Variants in SLIT3 observed in about 807,000 individuals in gnomAD.
The protein encoded by SLIT3 is slit guidance ligand 3, also known as slit homolog 3 protein.
SLIT3 carries 68 observed loss-of-function variants against 184.0 expected under a neutral mutation model. The observed-to-expected ratio is 0.37, with a 90% CI of 0.30 to 0.45. The LOEUF is 0.45. Among genes scored for constraint, SLIT3 ranks in the 20% least tolerant of loss-of-function variants. The pLI, the probability that SLIT3 is intolerant of heterozygous loss-of-function variation, is 1.00. For missense variants in SLIT3, 1,707 were observed against 2,026.0 expected (o/e 0.84, Z 3.02); for synonymous variants, 831 against 828.6 (o/e 1.00, Z -0.05).
chr5:169,050,180 G>A (rs964615632), intron 4 of SLIT3, among the ~76,000 whole-genome samples: 1 of 152,198 alleles, frequency 6.6e-6, no homozygotes. Flanking sequence ...GTCTCTTACT[G>A]TTCTTCCTAC....
intron 4 of SLIT3, among the ~76,000 whole-genome samples, chr5:169,047,149 C>T (rs1276068167): frequency 6.6e-6 from 1 of 152,130 alleles, no homozygotes; most frequent in African/African-American, 2.4e-5. Context: ...CAGACGCCCC[C>T]AACTCAACGG....
intron 4 of SLIT3, among the ~76,000 whole-genome samples, chr5:169,102,367 C>G (rs373218446): frequency 2.4e-4 from 36 of 152,070 alleles, no homozygotes; most frequent in African/African-American, 8.5e-4. Flanking sequence ...CCCTCAGTAC[C>G]TGTGGGGGAT....
intron 4 of SLIT3, chr5:169,030,437 G>A (rs1465413472): frequency 3.3e-5 from 5 of 152,344 alleles, no homozygotes; most frequent in African/African-American, 1.2e-4. Context: ...AACTGGCACA[G>A]CTAGTAAATG....
intron 6 of SLIT3, among the ~76,000 whole-genome samples, chr5:168,837,471 G>T (rs1345214269): frequency 6.6e-6 from 1 of 152,144 alleles, no homozygotes; most frequent in East Asian, 1.9e-4. Context: ...CCAGAGAAAT[G>T]CAAAATCAAA....
At chr5:169,083,988 G>C (rs1759178345) in intron 4 of SLIT3, among the ~76,000 whole-genome samples, 1 of 152,060 alleles carries the variant, frequency 6.6e-6, no homozygotes, top group Admixed American at 6.5e-5. Flanking sequence ...TCGCTTGGAG[G>C]GCAGTCTCCA....
chr5:169,011,788 A>G (rs936885449), intron 4 of SLIT3, among the ~76,000 whole-genome samples: 5 of 152,232 alleles, frequency 3.3e-5, no homozygotes, highest in African/African-American at 1.2e-4. Flanking sequence ...TTGCTATTAC[A>G]AAAGCTGGTA....
intron 4 of SLIT3, among the ~76,000 whole-genome samples, chr5:169,145,676 C>T (rs573857870): frequency 5.3e-5 from 8 of 152,302 alleles, no homozygotes; most frequent in Admixed American, 2.6e-4. Flanking sequence ...TAACCTATTC[C>T]TGCCAGCTTC....
chr5:169,295,138 A>T (rs1218522298), intron 1 of SLIT3, among the ~76,000 whole-genome samples: 1 of 152,252 alleles, frequency 6.6e-6, no homozygotes, highest in African/African-American at 2.4e-5. Flanking sequence ...TGATGGCACT[A>T]TGACATTACA....
chr5:169,068,706 C>T (rs79011560), intron 4 of SLIT3, among the ~76,000 whole-genome samples: 1 of 152,144 alleles, frequency 6.6e-6, no homozygotes. Flanking sequence ...AGGATGGCTT[C>T]TTGTGACATC....
chr5:169,098,848 G>T (rs759749447), intron 4 of SLIT3, among the ~76,000 whole-genome samples: 1 of 152,130 alleles, frequency 6.6e-6, no homozygotes. Context: ...AGCATTCCTT[G>T]AGAAGCCGGA....
chr5:168,674,441 A>G lies in SLIT3; in HGVS notation c.3687-1110T>C, dbSNP rs548332753. 2.0e-5 allele frequency among the ~76,000 whole-genome samples: 3 copies of G among 152,030 alleles called. No homozygotes were observed. The South Asian group carries it at 6.2e-4, about 31-fold the overall frequency. ...TAGAGATGCTGAACCAGCATAATGCAAGTATTCAACACTTTGGGTCCCAAA... is the reference window on the plus strand; with the variant it reads ...TAGAGATGCTGAACCAGCATAATGCGAGTATTCAACACTTTGGGTCCCAAA... On this transcript the variant is annotated intron_variant, in intron 32 of 35. Coordinates refer to ENST00000519560, the MANE Select transcript of SLIT3 (RefSeq NM_003062.4).
chr5:169,026,610 C>T (rs1201238708), intron 4 of SLIT3: 4 of 152,100 alleles, frequency 2.6e-5, no homozygotes, highest in African/African-American at 9.7e-5. Flanking sequence ...GCCTACAAAA[C>T]AACATGCATA....
At chr5:168,861,986 C>T (rs116487916) in intron 5 of SLIT3, among the ~76,000 whole-genome samples, 1,637 of 152,206 alleles carry the variant, frequency 0.011, 28 homozygotes, top group African/African-American at 0.037. Flanking sequence ...TTAATGGGGC[C>T]GTAGGAGATG....
chr5:169,244,717 T>C lies in SLIT3; in HGVS notation c.329A>G (p.Gln110Arg), dbSNP rs1475786977. Residue 110 changes from glutamine (Q) to arginine (R), a missense_variant, in exon 3 of 36, where the codon CAG becomes CGG. Physicochemically the swap from Gln to Arg is conservative, Grantham distance 43. Around this residue, in one of 3 missense-constraint regions of SLIT3, gnomAD observed 1,307 missense variants for 1,511.6 expected, o/e 0.86. Coordinates refer to ENST00000519560, the MANE Select transcript of SLIT3 (RefSeq NM_003062.4). ...GTACTGTACTTACAGTCGCTCTAGC[T>C]GCTTCAGGTCCTGGAAGGCGCCTCT... ...IERGAFQDLK[Q>R]LERLRLNKNK... The C allele has an allele frequency of 6.2e-7, 1 of 1,613,810 alleles. No homozygotes were observed. The highest frequency in any genetic ancestry group is 2.2e-5 in the East Asian group (1 of 44,868).
At chr5:168,823,811 T>C (rs979818356) in intron 6 of SLIT3, among the ~76,000 whole-genome samples, 20 of 152,126 alleles carry the variant, frequency 1.3e-4, no homozygotes, top group Non-Finnish European at 5.9e-5. Flanking sequence ...ACTGCAAAGC[T>C]CTGGAGGTGG....
chr5:168,806,327 T>C, intron 9 of SLIT3, 119 bp downstream of exon 9: 1 of 1,062,538 alleles, frequency 9.4e-7, no homozygotes, highest in South Asian at 1.5e-5. Context: ...GATTCCTGAG[T>C]GTTTTTAATG....
chr5:168,956,615 G>A (rs1031606688), intron 4 of SLIT3, among the ~76,000 whole-genome samples: 2 of 152,038 alleles, frequency 1.3e-5, no homozygotes, highest in East Asian at 1.9e-4. Flanking sequence ...CCAACGTGGT[G>A]AAACCCCATC....
intron 4 of SLIT3, among the ~76,000 whole-genome samples, chr5:169,047,775 G>C (rs1024605096): frequency 3.3e-5 from 5 of 152,086 alleles, no homozygotes; most frequent in Non-Finnish European, 7.4e-5. Flanking sequence ...TTCCCCAGCT[G>C]CTCTTCCCGC....
intron 4 of SLIT3, among the ~76,000 whole-genome samples, chr5:169,044,148 G>A (rs988222144): frequency 5.9e-5 from 9 of 152,190 alleles, no homozygotes; most frequent in Admixed American, 1.3e-4. Flanking sequence ...ACAAGTGTTG[G>A]CAAGGATGTG....
Sources: allele counts gnomAD v4.1 joint callset (sites outside exome capture counted in the v4.1 genomes callset), GRCh38; gene constraint gnomAD v4.1.1; regional missense constraint gnomAD v4.1.1; transcripts MANE v1.5; gene names NCBI Gene and HGNC (gene_info 2026-07-23, HGNC 2026-07-21).